Variants in ADCY9 observed in about 807,000 individuals in gnomAD.
ADCY9 encodes adenylate cyclase 9.
A neutral mutation model predicts 101.5 loss-of-function variants in ADCY9; 50 were observed. The observed-to-expected ratio is 0.49, with a 90% CI of 0.39 to 0.62. The LOEUF (loss-of-function observed/expected upper bound fraction) is 0.62. ADCY9 is among the 20% of genes least tolerant of loss of function. The probability of loss-of-function intolerance (pLI) is 0.00; values close to 1 mark genes in which losing one functional copy is unlikely to be tolerated. For missense variants in ADCY9, 1,662 were observed against 1,800.4 expected (o/e 0.92, Z 1.39); for synonymous variants, 905 against 769.3 (o/e 1.18, Z -2.92).
intron 5 of ADCY9, among the ~76,000 whole-genome samples, chr16:3,954,166 A>G (rs910685005): frequency 1.3e-5 from 2 of 152,224 alleles, no homozygotes; most frequent in African/African-American, 4.8e-5. Flanking sequence ...CACCCCGTCC[A>G]GTGGCTTCTG....
Position 4,020,083 on chromosome 16 carries a change from AG to A in ADCY9, c.1694-12526del, listed in dbSNP as rs931313857. Among the ~76,000 whole-genome samples, 40 of 141,524 alleles carry A rather than the reference AG, an allele frequency of 2.8e-4. 2 individuals are homozygous for A. Among genetic ancestry groups the A allele is most frequent in the African/African-American group, 3.9e-4 (15 of 38,736 alleles). 92.8% of individuals were successfully genotyped at this position (141,524 alleles called of 152,430 possible). On this transcript the variant is annotated intron_variant, in intron 2 of 10. Transcript: ENST00000294016. Reference sequence around the variant, plus strand: ...ACACAGCAGACTCCATCTCAAAAAAAGAAAAAGAAAAAGAAAAAGAACTTTC... The same window carrying A: ...ACACAGCAGACTCCATCTCAAAAAAAAAAAAGAAAAAGAAAAAGAACTTTC...
intron 2 of ADCY9, among the ~76,000 whole-genome samples, chr16:4,083,390 G>A (rs1439652238): frequency 6.6e-6 from 1 of 152,086 alleles, no homozygotes; most frequent in Non-Finnish European, 1.5e-5. Context: ...GGAAATCAGG[G>A]CCCGCACACA....
intron 3 of ADCY9, among the ~76,000 whole-genome samples, chr16:3,998,858 G>A (rs2056310506): frequency 6.6e-6 from 1 of 150,990 alleles, no homozygotes; most frequent in African/African-American, 2.4e-5. Context: ...ATCCCCTTCT[G>A]AGCTGTAGTT....
downstream of ADCY9, among the ~76,000 whole-genome samples, chr16:3,958,768 T>G (rs55825004): frequency 5.2e-4 from 73 of 140,620 alleles, 2 homozygotes; most frequent in Admixed American, 2.3e-4. Context: ...GCCTCCTGGG[T>G]TCAAGCGATT....
At position 4,077,753 on chromosome 16, in the gene ADCY9, A is replaced by C. The variant is rs556866274; in HGVS notation, c.1693+35997T>G. On this transcript the variant is annotated intron_variant, in intron 2 of 10. Transcript: ENST00000294016. The stretch of plus-strand genomic sequence containing the variant: ...GGTGACTCACACCTGTAATCCCAAC[A>C]CTTTGGAAGGCTGAGGTGGGTGGAT... 3.9e-5 allele frequency among the ~76,000 whole-genome samples: 6 copies of C among 152,302 alleles called. 1 individual carries two copies. The East Asian group carries it at 1.2e-3, about 29-fold the overall frequency.
intron 2 of ADCY9, among the ~76,000 whole-genome samples, chr16:4,092,155 C>T (rs913719506): frequency 8.5e-5 from 13 of 152,048 alleles, no homozygotes; most frequent in Admixed American, 1.3e-4. Context: ...CTGTAATCAC[C>T]GGTACTTGGG....
At chr16:4,028,368 T>C (rs538079764) in intron 2 of ADCY9, among the ~76,000 whole-genome samples, 1 of 152,270 alleles carries the variant, frequency 6.6e-6, no homozygotes, top group Non-Finnish European at 1.5e-5. Flanking sequence ...CAGCAGCTGG[T>C]GAATGGATGG....
At chr16:3,954,374 CTGG>C (rs2055896709) in intron 5 of ADCY9, among the ~76,000 whole-genome samples, 1 of 152,170 alleles carries the variant, frequency 6.6e-6, no homozygotes, top group Admixed American at 6.5e-5. Flanking sequence ...GGGCCCCACA[CTGG>C]TCTGAGAGCC....
intron 2 of ADCY9, among the ~76,000 whole-genome samples, chr16:4,026,425 CAAAAAA>C (rs34756033): frequency 1.0e-5 from 1 of 97,752 alleles, no homozygotes; most frequent in Non-Finnish European, 1.9e-5. Context: ...GACTCCGTCT[CAAAAAA>C]AAAAAAAAAA....
chr16:3,979,209 C>A lies in ADCY9; in HGVS notation c.2586G>T (p.Trp862Cys), dbSNP rs1373761894. 5 of 1,613,976 alleles carry A rather than the reference C, an allele frequency of 3.1e-6. No individual in the cohort carries two copies. Among genetic ancestry groups the A allele is most frequent in the Non-Finnish European group, 4.2e-6 (5 of 1,180,018 alleles). The change falls in exon 8 of 11, where the codon TGG (tryptophan) becomes TGT (cysteine). Residue 862 changes from tryptophan (W) to cysteine (C), a missense_variant. Around this residue, in one of 5 missense-constraint regions of ADCY9, gnomAD observed 624 missense variants for 639.1 expected, o/e 0.98. Coordinates refer to ENST00000294016, the MANE Select transcript of ADCY9 (RefSeq NM_001116.4). The stretch of plus-strand genomic sequence containing the variant: ...TGGCCCCGATGCAGTGACGTGGTAG[C>A]CAGCCGGCGATCCACTCCAGCAGGC... ...TKRLLEWIAG[W>C]LPRHCIGAIL...
intron 2 of ADCY9, 39 bp downstream of exon 2, chr16:4,113,711 T>G (rs2057128094): frequency 1.3e-6 from 2 of 1,577,882 alleles, no homozygotes; most frequent in East Asian, 2.3e-5. Flanking sequence ...ACAATCAGGA[T>G]CAGGGAGGGG....
chr16:4,083,492 A>T (rs538636305), intron 2 of ADCY9, among the ~76,000 whole-genome samples: 8 of 152,318 alleles, frequency 5.3e-5, no homozygotes, highest in African/African-American at 1.9e-4. Flanking sequence ...TGACCCAGCA[A>T]TTCCACTCCT....
intron 2 of ADCY9, among the ~76,000 whole-genome samples, chr16:4,050,645 A>G (rs2056695050): frequency 7.2e-6 from 1 of 137,950 alleles, no homozygotes; most frequent in South Asian, 2.4e-4. Flanking sequence ...ACCGGGAGGC[A>G]GAGGTTGCGG....
intron 2 of ADCY9, among the ~76,000 whole-genome samples, chr16:4,042,694 A>C (rs945240555): frequency 4.6e-5 from 7 of 152,238 alleles, no homozygotes; most frequent in African/African-American, 1.7e-4. Flanking sequence ...AACAACAAAA[A>C]ATCCTGCAAA....
chr16:4,101,681 A>G (rs1005896582), intron 2 of ADCY9, among the ~76,000 whole-genome samples: 1 of 151,584 alleles, frequency 6.6e-6, no homozygotes, highest in Non-Finnish European at 1.5e-5. Context: ...CGCCTTGCCA[A>G]TGGTAGGAAC....
chr16:4,086,715 A>T (rs1334399252), intron 2 of ADCY9, among the ~76,000 whole-genome samples: 1 of 152,216 alleles, frequency 6.6e-6, no homozygotes, highest in East Asian at 1.9e-4. Flanking sequence ...GCTGAAGTGC[A>T]ATGGCATGAT....
Position 4,006,816 on chromosome 16 carries a change from C to T in ADCY9, c.1884+552G>A, listed in dbSNP as rs916598106. ...TTATGATGACAGGTCAGTCCAGAAA[C>T]GGGCACTTCTAGGCAGCTACCAGGA... On this transcript the variant is annotated intron_variant, in intron 3 of 10. Coordinates refer to ENST00000294016, the MANE Select transcript of ADCY9 (RefSeq NM_001116.4). Among the ~76,000 whole-genome samples the T allele has an allele frequency of 4.6e-5, 7 of 152,152 alleles. 1 individual carries two copies. Among genetic ancestry groups the T allele is most frequent in the South Asian group, 4.1e-4 (2 of 4,822 alleles).
intron 2 of ADCY9, among the ~76,000 whole-genome samples, chr16:4,082,678 A>G (rs545052907): frequency 4.1e-5 from 6 of 147,596 alleles, no homozygotes; most frequent in Non-Finnish European, 7.4e-5. Context: ...ATGCACACCC[A>G]TGCATGCATG....
downstream of ADCY9, among the ~76,000 whole-genome samples, chr16:3,959,963 T>C (rs1396044518): frequency 6.6e-6 from 1 of 151,598 alleles, no homozygotes; most frequent in Non-Finnish European, 1.5e-5. Context: ...GAGGTGGAGG[T>C]TGTGGTGAGC....
Sources: gnomAD v4.1 joint callset for allele counts (sites outside exome capture counted in the v4.1 genomes callset) on GRCh38, gnomAD v4.1.1 for gene constraint, gnomAD v4.1.1 regional missense constraint, MANE v1.5 for transcripts, NCBI Gene and HGNC (gene_info 2026-07-23, HGNC 2026-07-21) for gene names.